Variants in CGNL1 observed in about 807,000 individuals in gnomAD.
CGNL1 encodes the protein cingulin like 1.
Under a neutral mutation model 141.2 loss-of-function variants are expected in CGNL1, and 132 were observed. The observed-to-expected ratio is 0.93, with a 90% CI of 0.81 to 1.08. The LOEUF is 1.08. Among genes scored for constraint, CGNL1 ranks in the 50% least tolerant of loss-of-function variants. The pLI, the probability that CGNL1 is intolerant of heterozygous loss-of-function variation, is 0.00. For synonymous variants in CGNL1, 690 were observed against 622.1 expected (o/e 1.11, Z -1.63); for missense variants, 1,870 against 1,588.6 (o/e 1.18, Z -3.01).
At position 57,438,144 on chromosome 15, in the gene CGNL1, A is replaced by G; in HGVS notation, c.145A>G (p.Ile49Val). ...SYGVSIRVQGIDGHPYIVLNN... is the reference protein window; with the variant it reads ...SYGVSIRVQGVDGHPYIVLNN... ...CGGTGTCAGTATTCGGGTCCAGGGA[A>G]TTGATGGTCACCCCTATATTGTCCT... The change falls in exon 2 of 19, where the codon ATT (isoleucine) becomes GTT (valine). Residue 49 changes from isoleucine (I) to valine (V), a missense_variant. By Grantham distance (29) the Ile-to-Val change is conservative. Coordinates refer to ENST00000281282, the MANE Select transcript of CGNL1 (RefSeq NM_032866.5). 1 of 1,614,152 alleles carries G rather than the reference A, an allele frequency of 6.2e-7. No homozygotes were observed. The highest frequency in any genetic ancestry group is 1.1e-5 in the South Asian group (1 of 91,080).
chr15:57,493,449 C>T (rs1299455349), intron 8 of CGNL1, among the ~76,000 whole-genome samples: 3 of 152,050 alleles, frequency 2.0e-5, no homozygotes, highest in Non-Finnish European at 2.9e-5. Context: ...CAAGACTGTA[C>T]GTGACCCAAA....
chr15:57,433,286 G>A (rs2063066815), intron 1 of CGNL1, among the ~76,000 whole-genome samples: 2 of 152,218 alleles, frequency 1.3e-5, no homozygotes, highest in Admixed American at 1.3e-4. Flanking sequence ...CGCTGTACTT[G>A]TCCTTAGTAT....
chr15:57,545,090 C>T (rs1056094581), intron 16 of CGNL1, among the ~76,000 whole-genome samples: 1 of 152,190 alleles, frequency 6.6e-6, no homozygotes, highest in Admixed American at 6.5e-5. Context: ...CAACTCAGTT[C>T]TCTGCAGCTA....
intron 1 of CGNL1, among the ~76,000 whole-genome samples, chr15:57,432,691 GT>G (rs1281277167): frequency 6.6e-6 from 1 of 152,224 alleles, no homozygotes. Flanking sequence ...GAGAACAGCT[GT>G]CCCTAAATTC....
chr15:57,496,831 G>A (rs1228942080), intron 8 of CGNL1, among the ~76,000 whole-genome samples: 1 of 152,182 alleles, frequency 6.6e-6, no homozygotes, highest in Non-Finnish European at 1.5e-5. Flanking sequence ...AGCACAGTGA[G>A]GGTGAAATGA....
intron 1 of CGNL1, among the ~76,000 whole-genome samples, chr15:57,416,904 C>T (rs1435560434): frequency 6.6e-6 from 1 of 152,136 alleles, no homozygotes; most frequent in Non-Finnish European, 1.5e-5. Flanking sequence ...TTCCAGAGTT[C>T]AGCTACAATA....
At chr15:57,530,857 G>A (rs1267306212) in intron 13 of CGNL1, among the ~76,000 whole-genome samples, 1 of 152,168 alleles carries the variant, frequency 6.6e-6, no homozygotes, top group Admixed American at 6.5e-5. Flanking sequence ...CAATTGCAGA[G>A]ACAATATTTA....
chr15:57,468,292 G>C (rs1380568304), intron 8 of CGNL1, among the ~76,000 whole-genome samples: 2 of 132,824 alleles, frequency 1.5e-5, no homozygotes, highest in African/African-American at 5.9e-5. Context: ...CTAGGCTGGA[G>C]TGCAGTGGCA....
At chr15:57,522,527 G>C (rs2031333491) in intron 10 of CGNL1, among the ~76,000 whole-genome samples, 1 of 152,174 alleles carries the variant, frequency 6.6e-6, no homozygotes, top group African/African-American at 2.4e-5. Context: ...TCAGCCCTCG[G>C]TGCCTGACAA....
chr15:57,387,132 A>G (rs1318826288), intron 1 of CGNL1, among the ~76,000 whole-genome samples: 1 of 151,774 alleles, frequency 6.6e-6, no homozygotes, highest in Non-Finnish European at 1.5e-5. Flanking sequence ...CCGCTCATCT[A>G]TTTTCTGTTT....
chr15:57,496,522 C>T (rs1453570589), intron 8 of CGNL1, among the ~76,000 whole-genome samples: 6 of 152,164 alleles, frequency 3.9e-5, no homozygotes, highest in East Asian at 1.9e-4. Context: ...CCTCAACCTC[C>T]GCCGATCCAT....
At chr15:57,507,567 A>C (rs1280355) in intron 8 of CGNL1, among the ~76,000 whole-genome samples, 1 of 152,146 alleles carries the variant, frequency 6.6e-6, no homozygotes, top group Non-Finnish European at 1.5e-5. Flanking sequence ...AGGTGGTTCT[A>C]TAAGCAAGAA....
chr15:57,460,704 T>C (rs1244019971), intron 7 of CGNL1, among the ~76,000 whole-genome samples: 1 of 152,038 alleles, frequency 6.6e-6, no homozygotes, highest in Non-Finnish European at 1.5e-5. Context: ...AAGAGCAACA[T>C]GGGGAAAACT....
chr15:57,547,530 G>C lies in CGNL1; in HGVS notation c.*40G>C. The C allele has an allele frequency of 6.3e-7, 1 of 1,598,186 alleles. No homozygotes were observed. Among genetic ancestry groups the C allele is most frequent in the Non-Finnish European group, 8.5e-7 (1 of 1,171,590 alleles). On this transcript the variant is annotated 3_prime_UTR_variant, in exon 19 of 19. Coordinates refer to ENST00000281282, the MANE Select transcript of CGNL1 (RefSeq NM_032866.5). Reference sequence around the variant, plus strand: ...TGTGGAAGTACCTGTCATTCCTGCAGGAGCTGCAGCCACCCAAAGTGGGAG... The same window carrying C: ...TGTGGAAGTACCTGTCATTCCTGCACGAGCTGCAGCCACCCAAAGTGGGAG...
In CGNL1 at chr15:57,547,392, G is replaced by A; in HGVS notation, c.3811G>A (p.Asp1271Asn). 6.2e-7 allele frequency: 1 copy of A among 1,614,236 alleles called. No homozygotes were observed. Among genetic ancestry groups the A allele is most frequent in the Non-Finnish European group, 8.5e-7 (1 of 1,180,032 alleles). The part of the protein sequence containing the change: ...KLPSKVLDDM[D>N]DDDDLSTDGG... The stretch of plus-strand genomic sequence containing the variant: ...GCCGAGTAAAGTGCTGGATGACATG[G>A]ATGACGACGATGACCTCAGCACGGA... Residue 1271 changes from aspartate to asparagine, a missense_variant, in exon 19 of 19, where the codon GAT becomes AAT. Physicochemically the swap from Asp to Asn is conservative, Grantham distance 23. Transcript: ENST00000281282.
chr15:57,533,406 G>A (rs1406835714), intron 14 of CGNL1, among the ~76,000 whole-genome samples: 1 of 152,188 alleles, frequency 6.6e-6, no homozygotes, highest in African/African-American at 2.4e-5. Context: ...TGGAATAAAA[G>A]CTGTTTTGTG....
chr15:57,413,708 C>G (rs768895206), intron 1 of CGNL1, among the ~76,000 whole-genome samples: 1 of 152,236 alleles, frequency 6.6e-6, no homozygotes, highest in Non-Finnish European at 1.5e-5. Flanking sequence ...TTCCCATACC[C>G]ACATTCAGTG....
chr15:57,530,125 C>T (rs1046593407), intron 13 of CGNL1, among the ~76,000 whole-genome samples: 1 of 152,216 alleles, frequency 6.6e-6, no homozygotes, highest in Non-Finnish European at 1.5e-5. Flanking sequence ...ATGGCCCTGG[C>T]CGGCACCCTT....
At chr15:57,523,377 A>G in intron 10 of CGNL1, 112 bp from the exon 11 acceptor site, 1 of 849,688 alleles carries the variant, frequency 1.2e-6, no homozygotes, top group Non-Finnish European at 1.8e-6. Context: ...CTCATCACGG[A>G]TTTAACAGAT....
Sources: gnomAD v4.1 joint callset for allele counts (sites outside exome capture counted in the v4.1 genomes callset) on GRCh38, gnomAD v4.1.1 for gene constraint, MANE v1.5 for transcripts, NCBI Gene and HGNC (gene_info 2026-07-23, HGNC 2026-07-21) for gene names.